RYR3: variants seen among roughly 807,000 people sequenced by gnomAD.
RYR3 encodes the protein brain ryanodine receptor-calcium release channel.
A neutral mutation model predicts 584.3 loss-of-function variants in RYR3; 207 were observed. That is an observed-to-expected ratio of 0.35 (90% CI 0.32 to 0.40). The LOEUF (loss-of-function observed/expected upper bound fraction) is 0.40, where lower values mean the gene tolerates loss of function less well. Among genes scored for constraint, RYR3 ranks in the 10% least tolerant of loss-of-function variants. RYR3 has a pLI of 1.00. For missense variants in RYR3, 5,616 were observed against 6,089.2 expected, an observed-to-expected ratio of 0.92 and a Z score of 2.59; for synonymous variants, 2,416 against 2,248.5, an observed-to-expected ratio of 1.07 and a Z score of -2.11.
chr15:33,362,425 G>T (rs1014690350), intron 1 of RYR3, among the ~76,000 whole-genome samples: 3 of 152,124 alleles, frequency 2.0e-5, no homozygotes, highest in Admixed American at 6.6e-5. Flanking sequence ...AGCAGCAGCA[G>T]CAGCAGCAGC....
At chr15:33,725,972 C>CA (rs767013477) in intron 45 of RYR3, among the ~76,000 whole-genome samples, 5 of 40,584 alleles carry the variant, frequency 1.2e-4, no homozygotes, top group Non-Finnish European at 2.4e-4. Flanking sequence ...TCCATCCCCC[C>CA]CCCCAAAAAA....
intron 51 of RYR3, among the ~76,000 whole-genome samples, 173 bp from the exon 52 acceptor site, chr15:33,742,193 T>TG (rs2070213490): frequency 6.6e-6 from 1 of 152,196 alleles, no homozygotes; most frequent in Non-Finnish European, 1.5e-5. Context: ...ACCCTGGCTA[T>TG]GCCACCCCTA....
At chr15:33,578,649 C>G (rs958506881) in intron 12 of RYR3, among the ~76,000 whole-genome samples, 2 of 152,054 alleles carry the variant, frequency 1.3e-5, no homozygotes, top group South Asian at 2.1e-4. Context: ...GGAAAAATAG[C>G]TAATGCATGC....
At chr15:33,359,954 C>T (rs74244033) in intron 1 of RYR3, among the ~76,000 whole-genome samples, 13,166 of 152,052 alleles carry the variant, frequency 0.087, 652 homozygotes, top group African/African-American at 0.12. Flanking sequence ...GCCTATGATA[C>T]TCTCCATACC....
intron 35 of RYR3, 93 bp from the exon 36 acceptor site, chr15:33,663,444 G>T: frequency 9.3e-7 from 1 of 1,080,302 alleles, no homozygotes. Context: ...AATTTACTTT[G>T]TCTAAGTCTC....
At chr15:33,541,863 C>T (rs1275529103) in intron 7 of RYR3, among the ~76,000 whole-genome samples, 2 of 152,136 alleles carry the variant, frequency 1.3e-5, no homozygotes, top group African/African-American at 4.8e-5. Flanking sequence ...TTAACCCACC[C>T]TCCTGGGTCT....
intron 1 of RYR3, among the ~76,000 whole-genome samples, chr15:33,429,311 C>A (rs2044919090): frequency 6.6e-6 from 1 of 152,164 alleles, no homozygotes; most frequent in Admixed American, 6.5e-5. Context: ...GAGTACCCTA[C>A]ATTAGCCAAG....
chr15:33,429,980 C>CA (rs2044986379), intron 1 of RYR3, among the ~76,000 whole-genome samples: 1 of 152,258 alleles, frequency 6.6e-6, no homozygotes. Flanking sequence ...CTAGGGCCCA[C>CA]AGGGCCTTCT....
At chr15:33,343,869 A>G (rs1972119748) in intron 1 of RYR3, among the ~76,000 whole-genome samples, 1 of 152,128 alleles carries the variant, frequency 6.6e-6, no homozygotes, top group African/African-American at 2.4e-5. Flanking sequence ...TGTCTTGGGC[A>G]TTTGCATTTT....
intron 16 of RYR3, among the ~76,000 whole-genome samples, chr15:33,596,497 G>A (rs114681123): frequency 7.6e-6 from 1 of 132,084 alleles, no homozygotes; most frequent in Non-Finnish European, 1.7e-5. Flanking sequence ...TCTTTTTTTG[G>A]GGGGGGGGGA....
intron 3 of RYR3, among the ~76,000 whole-genome samples, chr15:33,522,435 TCTTCACA>T (rs2140976269): frequency 6.6e-6 from 1 of 152,256 alleles, no homozygotes; most frequent in Non-Finnish European, 1.5e-5. Context: ...GGGAAAAACC[TCTTCACA>T]AAGTTCCCTG....
At chr15:33,454,775 G>C (rs1419897844) in intron 1 of RYR3, among the ~76,000 whole-genome samples, 1 of 152,174 alleles carries the variant, frequency 6.6e-6, no homozygotes, top group South Asian at 2.1e-4. Flanking sequence ...ATAAGAGTAA[G>C]TGTGGCACTG....
intron 73 of RYR3, 129 bp downstream of exon 73, chr15:33,813,123 C>T (rs1956763372): frequency 8.6e-7 from 1 of 1,167,330 alleles, no homozygotes; most frequent in African/African-American, 1.5e-5. Flanking sequence ...AAGGATCATC[C>T]CAGATCACCC....
chr15:33,449,155 G>A (rs2046905195), intron 1 of RYR3, among the ~76,000 whole-genome samples: 1 of 152,116 alleles, frequency 6.6e-6, no homozygotes, highest in Non-Finnish European at 1.5e-5. Flanking sequence ...GCAGCCTCTG[G>A]CTCTGGTTCT....
chr15:33,541,949 A>G (rs1168479360), intron 7 of RYR3, among the ~76,000 whole-genome samples: 1 of 152,114 alleles, frequency 6.6e-6, no homozygotes, highest in African/African-American at 2.4e-5. Context: ...TTTTGGCTCA[A>G]TCTTCTCCAT....
At chr15:33,660,006 G>T (rs866736640) in intron 33 of RYR3, among the ~76,000 whole-genome samples, 191 bp from the exon 34 acceptor site, 1 of 152,098 alleles carries the variant, frequency 6.6e-6, no homozygotes. Flanking sequence ...CCTCTTTTGG[G>T]TGCTGAAAGA....
At chr15:33,441,276 C>T (rs555445218) in intron 1 of RYR3, among the ~76,000 whole-genome samples, 79 of 152,222 alleles carry the variant, frequency 5.2e-4, no homozygotes, top group African/African-American at 1.9e-3. Context: ...TTCTGACCAT[C>T]CTTTTCAGCC....
intron 1 of RYR3, among the ~76,000 whole-genome samples, chr15:33,342,836 C>T (rs898475655): frequency 2.0e-5 from 3 of 152,122 alleles, no homozygotes; most frequent in East Asian, 1.9e-4. Flanking sequence ...TAACTCACAG[C>T]CCAGAAGTTT....
intron 1 of RYR3, among the ~76,000 whole-genome samples, chr15:33,365,722 C>A (rs1013913781): frequency 6.6e-6 from 1 of 152,058 alleles, no homozygotes; most frequent in African/African-American, 2.4e-5. Flanking sequence ...TAAGTAGTAA[C>A]AATAATAAAG....
Sources: gnomAD v4.1 joint callset for allele counts (sites outside exome capture counted in the v4.1 genomes callset) on GRCh38, gnomAD v4.1.1 for gene constraint, MANE v1.5 for transcripts, NCBI Gene and HGNC (gene_info 2026-07-23, HGNC 2026-07-21) for gene names.